GEMIN5: variants seen among roughly 807,000 people sequenced by gnomAD.
GEMIN5 encodes gem-associated protein 5.
In GEMIN5, 124 loss-of-function variants were observed where a neutral mutation model predicts 176.9. That is an observed-to-expected ratio of 0.70 (90% CI 0.61 to 0.81). The LOEUF (loss-of-function observed/expected upper bound fraction) is 0.81. GEMIN5 is among the 40% of genes least tolerant of loss of function. GEMIN5 has a pLI of 0.00. For missense variants in GEMIN5, 1,843 were observed against 1,814.6 expected, an observed-to-expected ratio of 1.02 and a Z score of -0.28; for synonymous variants, 673 against 665.2, an observed-to-expected ratio of 1.01 and a Z score of -0.18.
chr5:154,888,855 T>TTATTG (rs1554100470), intron 27 of GEMIN5, among the ~76,000 whole-genome samples: 1 of 148,756 alleles, frequency 6.7e-6, no homozygotes, highest in Non-Finnish European at 1.5e-5. Flanking sequence ...AAATTCTTTT[T>TTATTG]TTTTGTTTTG....
Position 154,921,352 on chromosome 5 carries a change from T to TG in GEMIN5, c.1452dup (p.Met485HisfsTer27), listed in dbSNP as rs1763916561. On this transcript the variant is annotated frameshift_variant, in exon 10 of 28. Transcript: ENST00000285873. LOFTEE classifies it high-confidence loss of function. ...TTGTTCAGATACTTACCAAGTGACA[T>TG]GGGGGGTACTGGTGGCCCCCAGGCT... is the stretch of plus-strand genomic sequence containing the variant. 8 of 1,322,350 alleles carry TG rather than the reference T, an allele frequency of 6.0e-6. No individual in the cohort carries two copies. The highest frequency in any genetic ancestry group is 2.9e-5 in the African/African-American group (2 of 69,376). 81.9% of individuals were successfully genotyped at this position (1,322,350 alleles called of 1,614,324 possible).
At chr5:154,930,924 T>C (rs1764149326) in intron 5 of GEMIN5, among the ~76,000 whole-genome samples, 3 of 152,344 alleles carry the variant, frequency 2.0e-5, no homozygotes, top group Admixed American at 2.0e-4. Context: ...TATTCTATGA[T>C]ATACTATAAA....
intron 7 of GEMIN5, among the ~76,000 whole-genome samples, chr5:154,926,981 G>A (rs971123685): frequency 2.0e-5 from 3 of 151,792 alleles, no homozygotes; most frequent in East Asian, 1.9e-4. Context: ...AACTGGGGAG[G>A]TGGAGCTTGC....
chr5:154,919,719 C>T (rs1044044945), intron 11 of GEMIN5, among the ~76,000 whole-genome samples: 1 of 151,920 alleles, frequency 6.6e-6, no homozygotes, highest in Non-Finnish European at 1.5e-5. Flanking sequence ...TTCAGTAGTT[C>T]TTTTTTGGCT....
chr5:154,891,055 CTT>C (rs548747613), intron 26 of GEMIN5, among the ~76,000 whole-genome samples, 184 bp downstream of exon 26: 1 of 93,936 alleles, frequency 1.1e-5, no homozygotes, highest in Middle Eastern at 0.012. Flanking sequence ...TGTGCCCGGG[CTT>C]TTTTTTTTTT....
chr5:154,907,309 A>T (rs4958770), intron 16 of GEMIN5, among the ~76,000 whole-genome samples: 4 of 152,272 alleles, frequency 2.6e-5, no homozygotes, highest in Non-Finnish European at 4.4e-5. Flanking sequence ...TACACAACTG[A>T]CCCAGCTTCG....
chr5:154,925,415 G>A (rs909276902), intron 8 of GEMIN5, among the ~76,000 whole-genome samples: 2 of 152,002 alleles, frequency 1.3e-5, no homozygotes, highest in Non-Finnish European at 2.9e-5. Flanking sequence ...CAAAAGAAAG[G>A]TATCATTTTA....
chr5:154,937,296 A>G lies in GEMIN5; in HGVS notation c.167-111T>C, dbSNP rs879025533. ...CAGATGCTTTGGAGTTACTTAACCCATGGTATAACTGAAACACCGACGGAC... is the reference window on the plus strand; with the variant it reads ...CAGATGCTTTGGAGTTACTTAACCCGTGGTATAACTGAAACACCGACGGAC... On this transcript the variant is annotated intron_variant, in intron 1 of 27. Transcript: ENST00000285873. The G allele has an allele frequency of 5.7e-6, 5 of 881,434 alleles. No individual in the cohort carries two copies. The South Asian group carries it at 9.3e-5, about 16-fold the overall frequency. 54.6% of individuals were successfully genotyped at this position (881,434 alleles called of 1,614,324 possible). A position where few individuals can be genotyped will look rare whatever the true frequency, so the allele number is the denominator to read the frequency against.
rs748228026 is a variant in GEMIN5 at position 154,920,085 on chromosome 5, G to A, written c.1481C>T (p.Pro494Leu). Residue 494 changes from proline to leucine, a missense_variant, in exon 11 of 28, where the codon CCT becomes CTT. Pro to Leu is a moderately conservative substitution (Grantham distance 98). Transcript: ENST00000285873. ...TCCACAGCTGTATAAAGCAAGGGAA[G>A]GTCTGTCTCCTTCTCCTCCTGTATG... ...PMSLGGEGDR[P>L]SLALYSCGGE... 10 of 1,612,096 alleles carry A rather than the reference G, an allele frequency of 6.2e-6. No individual in the cohort carries two copies. The South Asian group carries it at 8.8e-5, about 14-fold the overall frequency.
At chr5:154,928,798 A>G in intron 5 of GEMIN5, 139 bp from the exon 6 acceptor site, 1 of 683,826 alleles carries the variant, frequency 1.5e-6, no homozygotes, top group Non-Finnish European at 2.5e-6. Flanking sequence ...TCATTTTCCA[A>G]TGGTTACAAT....
intron 15 of GEMIN5, among the ~76,000 whole-genome samples, chr5:154,911,233 G>A (rs1323897995): frequency 6.6e-6 from 1 of 152,126 alleles, no homozygotes; most frequent in African/African-American, 2.4e-5. Context: ...CAAGATCTGG[G>A]CTGGGCACGG....
chr5:154,937,214 T>C (rs891150455), intron 1 of GEMIN5, 29 bp from the exon 2 acceptor site: 20 of 1,560,256 alleles, frequency 1.3e-5, no homozygotes, highest in Non-Finnish European at 1.6e-5. Flanking sequence ...GCTAGGTTAA[T>C]CGAAGTGCTA....
chr5:154,892,900 C>T (rs1050490826), intron 24 of GEMIN5, among the ~76,000 whole-genome samples: 2 of 152,008 alleles, frequency 1.3e-5, no homozygotes, highest in Non-Finnish European at 1.5e-5. Flanking sequence ...AGTTCAAGAC[C>T]AGCCTGGCCA....
At chr5:154,917,438 A>C (rs1020949974) in intron 12 of GEMIN5, among the ~76,000 whole-genome samples, 1 of 152,318 alleles carries the variant, frequency 6.6e-6, no homozygotes, top group African/African-American at 2.4e-5. Context: ...AGAAATTTTA[A>C]CTTTCCACAC....
At chr5:154,917,372 C>A (rs1763835910) in intron 12 of GEMIN5, among the ~76,000 whole-genome samples, 193 bp from the exon 13 acceptor site, 1 of 152,146 alleles carries the variant, frequency 6.6e-6, no homozygotes, top group Admixed American at 6.5e-5. Flanking sequence ...GTATATTTAG[C>A]TTTTAAAAAT....
At chr5:154,928,147 A>T (rs543312672) in intron 6 of GEMIN5, among the ~76,000 whole-genome samples, 15 of 152,342 alleles carry the variant, frequency 9.8e-5, no homozygotes, top group African/African-American at 3.1e-4. Context: ...GTAGGTAGTC[A>T]ATGAACTTTG....
chr5:154,896,074 C>T lies in GEMIN5; in HGVS notation c.3597+18G>A. On this transcript the variant is annotated intron_variant, in intron 24 of 27. Coordinates refer to ENST00000285873, the MANE Select transcript of GEMIN5 (RefSeq NM_015465.5). ...ACCACTGAGTGATTAATGTCAAATG[C>T]TGGTACAGATGGCTTACCTGTTTGG... The T allele has an allele frequency of 6.2e-7, 1 of 1,610,766 alleles. No homozygotes were observed. Among genetic ancestry groups the T allele is most frequent in the Middle Eastern group, 1.7e-4 (1 of 6,054 alleles).
At chr5:154,928,764 G>A in intron 5 of GEMIN5, 105 bp from the exon 6 acceptor site, 2 of 937,360 alleles carry the variant, frequency 2.1e-6, no homozygotes, top group Non-Finnish European at 3.3e-6. Flanking sequence ...AAGCTTGTTA[G>A]TTTGGCTACT....
At chr5:154,918,666 G>A (rs79179035) in intron 11 of GEMIN5, among the ~76,000 whole-genome samples, 1 of 152,152 alleles carries the variant, frequency 6.6e-6, no homozygotes. Flanking sequence ...AAGACAATGA[G>A]GGAATATAAT....
Sources: allele counts gnomAD v4.1 joint callset (sites outside exome capture counted in the v4.1 genomes callset), GRCh38; gene constraint gnomAD v4.1.1; transcripts MANE v1.5; gene names NCBI Gene and HGNC (gene_info 2026-07-23, HGNC 2026-07-21).